The following SCAMP1 variants were observed in gnomAD, a reference collection of about 807,000 sequenced individuals.
The protein encoded by SCAMP1 is secretory carrier membrane protein 1.
Under a neutral mutation model 41.8 loss-of-function variants are expected in SCAMP1, and 15 were observed. The observed-to-expected ratio is 0.36, with a 90% CI of 0.24 to 0.55. SCAMP1 has a LOEUF of 0.55. SCAMP1 is among the 20% of genes least tolerant of loss of function. The probability of loss-of-function intolerance (pLI) is 0.86; values close to 1 mark genes in which losing one functional copy is unlikely to be tolerated. For missense variants in SCAMP1, 341 were observed against 412.6 expected (o/e 0.83, Z 1.50); for synonymous variants, 135 against 136.8 (o/e 0.99, Z 0.09).
intron 1 of SCAMP1, chr5:78,370,516 T>C (rs1750915734): frequency 1.3e-5 from 2 of 152,244 alleles, no homozygotes; most frequent in South Asian, 4.1e-4. Flanking sequence ...AATCCAGTAA[T>C]CCCCTTCTCC....
intron 6 of SCAMP1, among the ~76,000 whole-genome samples, chr5:78,440,699 A>C (rs767256136): frequency 1.3e-5 from 2 of 152,134 alleles, no homozygotes; most frequent in African/African-American, 4.8e-5. Context: ...TCAGATCTCA[A>C]ACTCCATGCT....
intron 1 of SCAMP1, among the ~76,000 whole-genome samples, chr5:78,364,058 T>A (rs1001040472): frequency 1.3e-5 from 2 of 152,218 alleles, no homozygotes; most frequent in East Asian, 3.8e-4. Context: ...AACATGTAAT[T>A]ATTGAAGAAT....
At chr5:78,461,105 A>T (rs1753600069) in intron 8 of SCAMP1, among the ~76,000 whole-genome samples, 1 of 151,988 alleles carries the variant, frequency 6.6e-6, no homozygotes, top group South Asian at 2.1e-4. Flanking sequence ...ATCAGCCCTC[A>T]CAAAGTACTG....
At chr5:78,365,257 G>A (rs1750764808) in intron 1 of SCAMP1, among the ~76,000 whole-genome samples, 1 of 151,594 alleles carries the variant, frequency 6.6e-6, no homozygotes, top group Non-Finnish European at 1.5e-5. Context: ...GGCGAATCAC[G>A]AGGTCAGGAG....
At chr5:78,443,623 CT>C (rs1752982088) in intron 6 of SCAMP1, among the ~76,000 whole-genome samples, 1 of 100,756 alleles carries the variant, frequency 9.9e-6, no homozygotes, top group South Asian at 3.4e-4. Context: ...CAGTCCTGTG[CT>C]TTTTTAGCCA....
intron 8 of SCAMP1, among the ~76,000 whole-genome samples, chr5:78,472,439 G>A (rs939430838): frequency 6.6e-6 from 1 of 151,662 alleles, no homozygotes; most frequent in Non-Finnish European, 1.5e-5. Context: ...ATAGTACTTG[G>A]TGTCAAAACC....
chr5:78,411,736 A>G (rs1477933727), intron 2 of SCAMP1, among the ~76,000 whole-genome samples: 1 of 152,156 alleles, frequency 6.6e-6, no homozygotes, highest in Non-Finnish European at 1.5e-5. Context: ...TTCTTGGCAT[A>G]CATACATTTG....
intron 1 of SCAMP1, among the ~76,000 whole-genome samples, chr5:78,369,105 A>G (rs1382793198): frequency 2.7e-5 from 4 of 150,812 alleles, no homozygotes; most frequent in Non-Finnish European, 4.4e-5. Flanking sequence ...GTCAGGACAC[A>G]CAATTTTTTT....
At chr5:78,457,139 C>T (rs1410990897) in intron 7 of SCAMP1, among the ~76,000 whole-genome samples, 16 of 149,238 alleles carry the variant, frequency 1.1e-4, no homozygotes, top group Non-Finnish European at 2.1e-4. Context: ...AATGTCCTCC[C>T]GTAGCTCAGA....
chr5:78,479,938 T>C lies in SCAMP1; in HGVS notation c.*4270T>C, dbSNP rs1022875651. Among the ~76,000 whole-genome samples, 7 of 151,706 alleles carry C rather than the reference T, an allele frequency of 4.6e-5. No individual in the cohort carries two copies. Among genetic ancestry groups the C allele is most frequent in the African/African-American group, 1.7e-4 (7 of 41,278 alleles). On this transcript the variant is annotated 3_prime_UTR_variant, in exon 9 of 9. Coordinates refer to ENST00000621999, the MANE Select transcript of SCAMP1 (RefSeq NM_004866.6). ...GCGGGCGCCTGTAGTCCCAGCTACT[T>C]GGGAGGCTGAGGCAGGAGAATGACG... is the stretch of plus-strand genomic sequence containing the variant.
chr5:78,362,475 G>C (rs1283055396), intron 1 of SCAMP1, among the ~76,000 whole-genome samples: 1 of 152,196 alleles, frequency 6.6e-6, no homozygotes, highest in Non-Finnish European at 1.5e-5. Flanking sequence ...AGTTGCTGTA[G>C]TAATTCTAAA....
intron 7 of SCAMP1, among the ~76,000 whole-genome samples, chr5:78,452,869 T>C (rs1454892413): frequency 1.3e-4 from 19 of 149,616 alleles, no homozygotes; most frequent in Non-Finnish European, 1.5e-5. Context: ...GACTTTTTAA[T>C]GATCGCCATT....
At chr5:78,411,709 TAAAG>T (rs1752081626) in intron 2 of SCAMP1, among the ~76,000 whole-genome samples, 1 of 152,174 alleles carries the variant, frequency 6.6e-6, no homozygotes, top group Non-Finnish European at 1.5e-5. Flanking sequence ...CTTTTGTAAA[TAAAG>T]CTGTAGTGAG....
intron 8 of SCAMP1, among the ~76,000 whole-genome samples, chr5:78,462,923 C>A (rs987118992): frequency 3.3e-5 from 5 of 152,144 alleles, no homozygotes; most frequent in African/African-American, 1.2e-4. Context: ...ATAGGTCTCA[C>A]TTTAAAGAAA....
At chr5:78,465,507 G>T (rs1161547951) in intron 8 of SCAMP1, among the ~76,000 whole-genome samples, 1 of 152,222 alleles carries the variant, frequency 6.6e-6, no homozygotes, top group African/African-American at 2.4e-5. Flanking sequence ...TAGGCACTCA[G>T]ATATTTGTTG....
chr5:78,430,222 T>TTATTTATAAATACAA (rs1752581392), intron 6 of SCAMP1, among the ~76,000 whole-genome samples: 1 of 107,930 alleles, frequency 9.3e-6, no homozygotes, highest in African/African-American at 5.4e-5. Context: ...AATACAGTAT[T>TTATTTATAAATACAA]TATTTATAAA....
At chr5:78,429,033 C>T (rs1212439982) in intron 6 of SCAMP1, among the ~76,000 whole-genome samples, 1 of 152,052 alleles carries the variant, frequency 6.6e-6, no homozygotes, top group Non-Finnish European at 1.5e-5. Context: ...CACATGCATG[C>T]TCAAGATTCC....
rs1164686959 is a variant in SCAMP1, at chr5:78,460,808, C to CTTTCTTTCTTTCTTTCTTTCTTTCTTT, written c.852+1446_852+1447insTTTCTTTCTTTCTTTCTTTCTTTCTTT. Reference sequence around the variant, plus strand: ...TCCTTCCTTCCTTCCTTCCTTCCTCCCTTCCTTCCTTCCTTTCTTGTCTTT... The same window carrying CTTTCTTTCTTTCTTTCTTTCTTTCTTT: ...TCCTTCCTTCCTTCCTTCCTTCCTCCTTTCTTTCTTTCTTTCTTTCTTTCTTTCTTCCTTCCTTCCTTTCTTGTCTTT... On this transcript the variant is annotated intron_variant, in intron 8 of 8. Transcript: ENST00000621999. Among the ~76,000 whole-genome samples, 23 of 23,172 alleles carry CTTTCTTTCTTTCTTTCTTTCTTTCTTT rather than the reference C, an allele frequency of 9.9e-4. 4 individuals are homozygous for CTTTCTTTCTTTCTTTCTTTCTTTCTTT. The highest frequency in any genetic ancestry group is 4.1e-3 in the South Asian group (2 of 488). 15.2% of individuals were successfully genotyped at this position (23,172 alleles called of 152,430 possible). A position where few individuals can be genotyped will look rare whatever the true frequency, so the allele number is the denominator to read the frequency against.
intron 6 of SCAMP1, among the ~76,000 whole-genome samples, chr5:78,434,732 A>G (rs7702000): frequency 0.76 from 114,561 of 151,714 alleles, 43,909 homozygotes; most frequent in African/African-American, 0.84. Context: ...TTTGCACTTC[A>G]GAGTAAATCA....
Sources: allele counts gnomAD v4.1 joint callset (sites outside exome capture counted in the v4.1 genomes callset), GRCh38; gene constraint gnomAD v4.1.1; transcripts MANE v1.5; gene names NCBI Gene and HGNC (gene_info 2026-07-23, HGNC 2026-07-21).